Variants in DTWD2 observed in about 807,000 individuals in gnomAD.
The protein encoded by DTWD2 is DTW motif tRNA-uridine aminocarboxypropyltransferase 2, also known as tRNA-uridine aminocarboxypropyltransferase 2.
In DTWD2, 39 loss-of-function variants were observed where a neutral mutation model predicts 31.8. The observed-to-expected ratio is 1.22, with a 90% CI of 0.95 to 1.60. DTWD2 has a LOEUF of 1.60. Among genes scored for constraint, DTWD2 ranks in the 40% most tolerant of loss-of-function variants. DTWD2 has a pLI of 0.00. For missense variants in DTWD2, 515 were observed against 381.5 expected, an observed-to-expected ratio of 1.35 and a Z score of -2.92; for synonymous variants, 180 against 142.8, an observed-to-expected ratio of 1.26 and a Z score of -1.86.
rs572625783 is a variant in DTWD2 at position 118,848,125 on chromosome 5, G to A, written c.691C>T (p.Leu231Phe). Residue 231 changes from leucine (L) to phenylalanine (F), a missense_variant, in exon 5 of 6, where the codon CTT becomes TTT. Transcript: ENST00000510708. ...TAATTATTTTTCTCCAAGATGGAAA[G>A]AGCAACAGCTGCACACTCCAGTGTA... is the stretch of plus-strand genomic sequence containing the variant. ...LSTLECAAVA[L>F]SILEKNNYIQ... The A allele has an allele frequency of 1.2e-5, 19 of 1,587,854 alleles. 1 individual carries two copies. The South Asian group carries it at 1.8e-4, about 15-fold the overall frequency.
intron 1 of DTWD2, among the ~76,000 whole-genome samples, chr5:118,962,175 T>C (rs776239541): frequency 4.6e-5 from 7 of 151,972 alleles, no homozygotes; most frequent in African/African-American, 7.3e-5. Flanking sequence ...GAGGCAGAGA[T>C]TGTGGTGAGC....
At chr5:118,895,658 G>T (rs569731693) in intron 4 of DTWD2, among the ~76,000 whole-genome samples, 1 of 152,136 alleles carries the variant, frequency 6.6e-6, no homozygotes, top group South Asian at 2.1e-4. Context: ...TAGCATAAAA[G>T]GACACATAGA....
Position 118,847,644 on chromosome 5 carries a change from C to T in DTWD2, c.726+446G>A, listed in dbSNP as rs1311975763. 2.0e-5 allele frequency among the ~76,000 whole-genome samples: 3 copies of T among 150,368 alleles called. No homozygotes were observed. In the South Asian group the frequency reaches 6.3e-4, roughly 31 times the overall value. Reference sequence around the variant, plus strand: ...TCAAGAAAAATGTCTTTTTTACATTCTAAGCAAGGTTAACACGAGAAACAG... The same window carrying T: ...TCAAGAAAAATGTCTTTTTTACATTTTAAGCAAGGTTAACACGAGAAACAG... On this transcript the variant is annotated intron_variant, in intron 5 of 5. Transcript: ENST00000510708.
chr5:118,849,062 T>G (rs938222526), intron 4 of DTWD2, among the ~76,000 whole-genome samples: 1 of 151,922 alleles, frequency 6.6e-6, no homozygotes, highest in Non-Finnish European at 1.5e-5. Flanking sequence ...GCACAGCAAA[T>G]GAAACTATCA....
intron 1 of DTWD2, among the ~76,000 whole-genome samples, chr5:118,952,037 T>A (rs906432582): frequency 3.3e-5 from 5 of 151,716 alleles, no homozygotes; most frequent in African/African-American, 1.2e-4. Context: ...AAGGGAGAGA[T>A]TGAAAGGTGG....
chr5:118,941,593 G>C, intron 2 of DTWD2, among the ~76,000 whole-genome samples: 1 of 152,176 alleles, frequency 6.6e-6, no homozygotes, highest in Non-Finnish European at 1.5e-5. Context: ...GGACATTTAG[G>C]TTGGTTCCAA....
chr5:118,920,699 A>C (rs1753683819), intron 4 of DTWD2, among the ~76,000 whole-genome samples: 1 of 152,216 alleles, frequency 6.6e-6, no homozygotes. Flanking sequence ...ATAAAACATG[A>C]TGATAGATTT....
At chr5:118,895,757 T>C (rs887910365) in intron 4 of DTWD2, among the ~76,000 whole-genome samples, 28 of 152,202 alleles carry the variant, frequency 1.8e-4, no homozygotes, top group East Asian at 9.6e-4. Flanking sequence ...AGAACATACA[T>C]TGGGGAAAGG....
At chr5:118,915,564 T>C (rs907415157) in intron 4 of DTWD2, among the ~76,000 whole-genome samples, 11 of 152,092 alleles carry the variant, frequency 7.2e-5, no homozygotes, top group Middle Eastern at 3.4e-3. Context: ...TTAGTAGAGA[T>C]GGGGTTTCAC....
At chr5:118,910,468 C>A (rs1028903647) in intron 4 of DTWD2, among the ~76,000 whole-genome samples, 6 of 152,166 alleles carry the variant, frequency 3.9e-5, no homozygotes, top group African/African-American at 1.4e-4. Flanking sequence ...CACATTTTTA[C>A]CAACATTTTA....
chr5:118,850,591 T>G (rs920572279), intron 4 of DTWD2, among the ~76,000 whole-genome samples: 1 of 150,926 alleles, frequency 6.6e-6, no homozygotes. Flanking sequence ...TAATACCCTC[T>G]GGATATCAAC....
intron 1 of DTWD2, among the ~76,000 whole-genome samples, chr5:118,973,234 G>A (rs1257869313): frequency 6.6e-6 from 1 of 151,944 alleles, no homozygotes; most frequent in African/African-American, 2.4e-5. Flanking sequence ...TCTTTTAATT[G>A]GGGCATTTAA....
intron 1 of DTWD2, 116 bp from the exon 2 acceptor site, chr5:118,944,765 T>A: frequency 1.1e-6 from 1 of 876,770 alleles, no homozygotes; most frequent in Non-Finnish European, 1.7e-6. Context: ...TAAAGCTACA[T>A]TCTTTTCAAA....
intron 1 of DTWD2, among the ~76,000 whole-genome samples, chr5:118,976,583 A>T (rs1179367050): frequency 6.6e-6 from 1 of 152,228 alleles, no homozygotes; most frequent in Non-Finnish European, 1.5e-5. Flanking sequence ...TAAACTAGAA[A>T]ATCTAGAAGA....
chr5:118,928,710 C>T lies in DTWD2; in HGVS notation c.424G>A (p.Val142Ile). Residue 142 changes from valine to isoleucine, a missense_variant, in exon 4 of 6, where the codon GTT becomes ATT. Val to Ile is a conservative substitution (Grantham distance 29). Coordinates refer to ENST00000510708, the MANE Select transcript of DTWD2 (RefSeq NM_173666.4). ...ATTAATGTACCAGACTTCCGGCAAA[C>T]AGTTGAAAGTTCAGGATCTCTGAAA... is the stretch of plus-strand genomic sequence containing the variant. ...SEERDPELST[V>I]CRKSGTLILY... 1.3e-6 allele frequency: 2 copies of T among 1,572,282 alleles called. No individual in the cohort carries two copies. Among genetic ancestry groups the T allele is most frequent in the Non-Finnish European group, 1.7e-6 (2 of 1,161,568 alleles).
chr5:118,946,735 T>C (rs932707269), intron 1 of DTWD2, among the ~76,000 whole-genome samples: 1 of 152,028 alleles, frequency 6.6e-6, no homozygotes, highest in East Asian at 1.9e-4. Flanking sequence ...TTAGCTTTAA[T>C]CTTTAAAAAC....
intron 2 of DTWD2, 43 bp from the exon 3 acceptor site, chr5:118,939,333 T>C: frequency 6.9e-7 from 1 of 1,452,908 alleles, no homozygotes; most frequent in Non-Finnish European, 9.3e-7. Context: ...TTTACTTAGA[T>C]ATACACACTT....
chr5:118,981,577 A>G (rs1755301750), intron 1 of DTWD2, among the ~76,000 whole-genome samples: 1 of 151,838 alleles, frequency 6.6e-6, no homozygotes, highest in Non-Finnish European at 1.5e-5. Context: ...CCCTCTCTCT[A>G]AGAGATGGGG....
chr5:118,916,032 G>A (rs1477639397), intron 4 of DTWD2, among the ~76,000 whole-genome samples: 1 of 152,176 alleles, frequency 6.6e-6, no homozygotes, highest in Non-Finnish European at 1.5e-5. Context: ...GTTGAGGGAA[G>A]GGTAGCTACT....
Sources: allele counts gnomAD v4.1 joint callset (sites outside exome capture counted in the v4.1 genomes callset), GRCh38; gene constraint gnomAD v4.1.1; transcripts MANE v1.5; gene names NCBI Gene and HGNC (gene_info 2026-07-23, HGNC 2026-07-21).